MORC3: variants seen among roughly 807,000 people sequenced by gnomAD.
MORC3 encodes MORC family CW-type zinc finger protein 3.
In MORC3, 31 loss-of-function variants were observed where a neutral mutation model predicts 109.1. The ratio of observed to expected loss-of-function variants is 0.28; its 90% CI spans 0.21 to 0.38. The LOEUF (loss-of-function observed/expected upper bound fraction) is 0.38, where lower values mean the gene tolerates loss of function less well. Ranked by LOEUF, MORC3 falls within the 10% of genes least tolerant of loss-of-function variation. The pLI is 1.00. For missense variants in MORC3, 867 were observed against 1,135.8 expected, an observed-to-expected ratio of 0.76 and a Z score of 3.40; for synonymous variants, 395 against 380.7, an observed-to-expected ratio of 1.04 and a Z score of -0.44.
intron 16 of MORC3, among the ~76,000 whole-genome samples, chr21:36,372,900 G>C (rs922207843): frequency 2.0e-5 from 3 of 152,100 alleles, no homozygotes; most frequent in African/African-American, 7.2e-5. Flanking sequence ...CCTTCAACCT[G>C]TTTTTCTTTT....
chr21:36,338,461 A>G (rs2085397807), intron 4 of MORC3, among the ~76,000 whole-genome samples: 1 of 152,128 alleles, frequency 6.6e-6, no homozygotes, highest in East Asian at 1.9e-4. Context: ...GCCAAGACAG[A>G]AGGATTGCTT....
chr21:36,321,342 C>T lies in MORC3; in HGVS notation c.39+1039C>T, dbSNP rs541517623. On this transcript the variant is annotated intron_variant, in intron 1 of 16. Transcript: ENST00000400485. ...TGTTGAGCTCTTCGCATGTATTAGT[C>T]TTTGTGGTTTTTTGTTTTGTTTTTT... Among the ~76,000 whole-genome samples, 24 of 152,136 alleles carry T rather than the reference C, an allele frequency of 1.6e-4. No homozygotes were observed. The South Asian group carries it at 4.8e-3, about 30-fold the overall frequency.
intron 10 of MORC3, 78 bp from the exon 11 acceptor site, chr21:36,359,877 A>G: frequency 1.3e-6 from 2 of 1,552,272 alleles, no homozygotes; most frequent in South Asian, 1.1e-5. Context: ...ATCTTGTGGT[A>G]GAAATGATGT....
rs879238733 is a variant in MORC3 at position 36,333,546 on chromosome 21, G to A, written c.40-100G>A. ...TGGAGCAAGCAGCTAAGTCACTTTT[G>A]TTTGGTCTCAATGTTGTTTAACACA... On this transcript the variant is annotated intron_variant, in intron 1 of 16. Coordinates refer to ENST00000400485, the MANE Select transcript of MORC3 (RefSeq NM_015358.3). The A allele has an allele frequency of 9.9e-6, 9 of 910,416 alleles. No individual in the cohort carries two copies. The South Asian group carries it at 1.3e-4, about 13-fold the overall frequency. 56.4% of individuals were successfully genotyped at this position (910,416 alleles called of 1,614,324 possible).
intron 5 of MORC3, among the ~76,000 whole-genome samples, chr21:36,340,638 C>CTTTTTTTTTTT (rs34899654): frequency 8.1e-6 from 1 of 123,678 alleles, no homozygotes; most frequent in Non-Finnish European, 1.7e-5. Flanking sequence ...TTCTTTCTTT[C>CTTTTTTTTTTT]TTTTTTTTTT....
Position 36,355,447 on chromosome 21 carries a change from T to C in MORC3, c.1104-1173T>C, listed in dbSNP as rs575750429. On this transcript the variant is annotated intron_variant, in intron 9 of 16. Coordinates refer to ENST00000400485, the MANE Select transcript of MORC3 (RefSeq NM_015358.3). The stretch of plus-strand genomic sequence containing the variant: ...GTGCAACCAAAAGACTGGCAGCTGG[T>C]GTTTGTCTTTTCTCTTCAAGGCTTA... Among the ~76,000 whole-genome samples the C allele has an allele frequency of 3.3e-5, 5 of 152,162 alleles. No individual in the cohort carries two copies. The South Asian group carries it at 1.0e-3, about 32-fold the overall frequency.
chr21:36,345,088 A>T, intron 8 of MORC3, 57 bp downstream of exon 8: 1 of 1,484,804 alleles, frequency 6.7e-7, no homozygotes, highest in Non-Finnish European at 9.1e-7. Flanking sequence ...AAGTTAGGAT[A>T]ATATATGCTC....
intron 9 of MORC3, among the ~76,000 whole-genome samples, chr21:36,349,895 G>A (rs1238830527): frequency 1.3e-5 from 2 of 152,204 alleles, no homozygotes; most frequent in Non-Finnish European, 2.9e-5. Context: ...AGCATGGCCT[G>A]ATGGGCACAG....
rs188110001 is a variant in MORC3, at chr21:36,357,995, C to A, written c.1208+1271C>A. 4.7e-4 allele frequency among the ~76,000 whole-genome samples: 72 copies of A among 151,854 alleles called. No individual in the cohort carries two copies. The East Asian group carries it at 8.0e-3, about 17-fold the overall frequency. ...ACCTCAGGTGATCTGCCTGCCTTGG[C>A]CTCCCAAAGTGCTGGGATTACAGGC... On this transcript the variant is annotated intron_variant, in intron 10 of 16. Coordinates refer to ENST00000400485, the MANE Select transcript of MORC3 (RefSeq NM_015358.3).
In MORC3 at chr21:36,369,828, T is replaced by G. The variant is rs1459156187; in HGVS notation, c.2460T>G (p.Phe820Leu). 2.5e-6 allele frequency: 4 copies of G among 1,613,906 alleles called. No homozygotes were observed. The highest frequency in any genetic ancestry group is 3.4e-6 in the Non-Finnish European group (4 of 1,180,036). ...DEMAVQLDDV[F>L]RQLDKCSIER... ...TGGCTGTGCAGCTTGACGATGTGTT[T>G]AGACAACTGGACAAATGCAGTATTG... Residue 820 changes from phenylalanine (F) to leucine (L), a missense_variant, in exon 15 of 17, where the codon TTT becomes TTG. Physicochemically the swap from Phe to Leu is conservative, Grantham distance 22. Around this residue, in one of 7 missense-constraint regions of MORC3, gnomAD observed 486 missense variants for 502.1 expected, o/e 0.97. Transcript: ENST00000400485.
At chr21:36,333,860 G>C in intron 2 of MORC3, 142 bp downstream of exon 2, 1 of 653,976 alleles carries the variant, frequency 1.5e-6, no homozygotes, top group Non-Finnish European at 2.6e-6. Context: ...TCGGCTCACT[G>C]CAAGCTCTGC....
At chr21:36,328,336 C>T (rs1004253571) in intron 1 of MORC3, among the ~76,000 whole-genome samples, 1 of 150,132 alleles carries the variant, frequency 6.7e-6, no homozygotes, top group African/African-American at 2.4e-5. Flanking sequence ...ATAAGCCCCC[C>T]CCCGCCTTTT....
chr21:36,360,248 T>C lies in MORC3; in HGVS notation c.1396T>C (p.Tyr466His). 1 of 1,613,620 alleles carries C rather than the reference T, an allele frequency of 6.2e-7. No homozygotes were observed. Among genetic ancestry groups the C allele is most frequent in the Non-Finnish European group, 8.5e-7 (1 of 1,179,680 alleles). ...DLVHPTYEKT[Y>H]KKTNKEKFRI... ...GGTACATCCCACTTATGAAAAAACC[T>C]ACAAAAAGACGTGAGTGTTGTATTG... The change falls in exon 12 of 17, where the codon TAC becomes CAC. Residue 466 changes from tyrosine (Y) to histidine (H), a missense_variant. Tyr to His is a moderately conservative substitution (Grantham distance 83). Coordinates refer to ENST00000400485, the MANE Select transcript of MORC3 (RefSeq NM_015358.3).
intron 6 of MORC3, among the ~76,000 whole-genome samples, chr21:36,342,221 G>A (rs549617369): frequency 3.3e-5 from 5 of 152,154 alleles, no homozygotes; most frequent in Admixed American, 6.5e-5. Context: ...TCCAGCCTAG[G>A]TGACAGAGTG....
At chr21:36,337,316 C>A (rs1486956389) in intron 3 of MORC3, among the ~76,000 whole-genome samples, 1 of 152,036 alleles carries the variant, frequency 6.6e-6, no homozygotes, top group East Asian at 1.9e-4. Context: ...TAAAACCTAC[C>A]ACTTTGTTGG....
In MORC3 at chr21:36,369,054, G is replaced by A. The variant is rs61739936; in HGVS notation, c.1686G>A (p.Gln562=). The change falls in exon 15 of 17, where the codon CAG becomes CAA. Residue 562 remains glutamine, a synonymous_variant. Transcript: ENST00000400485. ...LNAKNRRLSS[Q]FENSVYKGDD... ...CAAAGAATCGGAGATTGAGTAGTCA[G>A]TTTGAAAATTCAGTTTATAAAGGTG... 152,932 of 1,613,802 alleles carry A rather than the reference G, an allele frequency of 0.095. 7,720 individuals carry two copies. Among genetic ancestry groups the A allele is most frequent in the South Asian group, 0.12 (10,541 of 91,044 alleles).
At chr21:36,340,670 T>C (rs2085434882) in intron 5 of MORC3, among the ~76,000 whole-genome samples, 1 of 147,472 alleles carries the variant, frequency 6.8e-6, no homozygotes, top group African/African-American at 2.5e-5. Context: ...CGTTTTGCTC[T>C]TTCCCCCAGG....
At chr21:36,363,421 CAAAA>C (rs1035804412) in intron 13 of MORC3, among the ~76,000 whole-genome samples, 3 of 152,014 alleles carry the variant, frequency 2.0e-5, no homozygotes, top group Non-Finnish European at 4.4e-5. Flanking sequence ...CTCAAAAAAA[CAAAA>C]AACAAACAAA....
Position 36,352,984 on chromosome 21 carries a change from AAAG to A in MORC3, c.1103+3579_1103+3581del, listed in dbSNP as rs555812749. On this transcript the variant is annotated intron_variant, in intron 9 of 16. Coordinates refer to ENST00000400485, the MANE Select transcript of MORC3 (RefSeq NM_015358.3). ...AGACCTTTTCTCTAAAAAAAAAAAA[AAAG>A]AAAACCATCTATTAACATGTATTTC... Among the ~76,000 whole-genome samples the A allele has an allele frequency of 9.6e-3, 1,465 of 152,018 alleles. 15 individuals are homozygous for A. The highest frequency in any genetic ancestry group is 0.033 in the African/African-American group (1,374 of 41,388).
Sources: gnomAD v4.1 joint callset for allele counts (sites outside exome capture counted in the v4.1 genomes callset) on GRCh38, gnomAD v4.1.1 for gene constraint, gnomAD v4.1.1 regional missense constraint, MANE v1.5 for transcripts, NCBI Gene and HGNC (gene_info 2026-07-23, HGNC 2026-07-21) for gene names.